CDKL5: variants seen among roughly 807,000 people sequenced by gnomAD.
CDKL5 encodes cyclin-dependent kinase-like 5.
CDKL5 carries 8 observed loss-of-function variants against 61.7 expected under a neutral mutation model. The ratio of observed to expected loss-of-function variants is 0.13; its 90% CI spans 0.08 to 0.23. CDKL5 has a LOEUF of 0.23. CDKL5 is among the 10% of genes least tolerant of loss of function. CDKL5 has a pLI of 1.00. For synonymous variants in CDKL5, 275 were observed against 272.3 expected, an observed-to-expected ratio of 1.01 and a Z score of -0.10; for missense variants, 440 against 734.5, an observed-to-expected ratio of 0.60 and a Z score of 4.63.
chrX:18,570,965 CT>C (rs1402849765), intron 4 of CDKL5, among the ~76,000 whole-genome samples: 1 of 111,434 alleles, frequency 9.0e-6, no homozygotes, highest in Admixed American at 9.6e-5. Context: ...CTGCACATAA[CT>C]TTGTCAGAGT....
At chrX:18,460,000 G>A (rs1387542887) in intron 1 of CDKL5, among the ~76,000 whole-genome samples, 1 of 110,449 alleles carries the variant, frequency 9.1e-6, no homozygotes, top group African/African-American at 3.3e-5. Context: ...AGCCTCCCGA[G>A]TAGCTGGGAT....
intron 3 of CDKL5, among the ~76,000 whole-genome samples, chrX:18,531,102 C>T (rs1923627588): frequency 8.9e-6 from 1 of 111,895 alleles, no homozygotes; most frequent in Non-Finnish European, 1.9e-5. Context: ...GAAGTGTTTC[C>T]AGCCACCCCT....
At chrX:18,476,557 A>G (rs1224645996) in intron 1 of CDKL5, among the ~76,000 whole-genome samples, 1 of 111,730 alleles carries the variant, frequency 9.0e-6, no homozygotes, top group Non-Finnish European at 1.9e-5. Flanking sequence ...ATTACCAATT[A>G]CTGACTATTG....
chrX:18,646,315 G>A (rs775696787), intron 20 of CDKL5, among the ~76,000 whole-genome samples: 4 of 111,117 alleles, frequency 3.6e-5, no homozygotes, highest in Admixed American at 9.6e-5. Context: ...CACCATGCCC[G>A]GCTAATTTTT....
In CDKL5 at chrX:18,559,706, A is replaced by G. The variant is rs755294165; in HGVS notation, c.100-4771A>G. Among the ~76,000 whole-genome samples the G allele has an allele frequency of 3.3e-3, 345 of 105,110 alleles. 1 individual carries two copies. Among genetic ancestry groups the G allele is most frequent in the Middle Eastern group, 9.4e-3 (2 of 213 alleles). 91.3% of individuals were successfully genotyped at this position (105,110 alleles called of 115,157 possible). ...GTGCAGGTTAGTTACATATGTATACATGTGCCATGCTGGTGTGCTGCGCCC... is the reference window on the plus strand; with the variant it reads ...GTGCAGGTTAGTTACATATGTATACGTGTGCCATGCTGGTGTGCTGCGCCC... On this transcript the variant is annotated intron_variant, in intron 3 of 17. Transcript: ENST00000623535.
At chrX:18,467,238 G>T (rs987270167) in intron 1 of CDKL5, among the ~76,000 whole-genome samples, 1 of 111,159 alleles carries the variant, frequency 9.0e-6, no homozygotes, top group African/African-American at 3.3e-5. Flanking sequence ...TATCTATAAG[G>T]AACATCTGAG....
chrX:18,604,235 C>T lies in CDKL5; in HGVS notation c.1311C>T (p.Asn437=). The T allele has an allele frequency of 4.1e-6, 5 of 1,211,575 alleles. No homozygotes were observed. The highest frequency in any genetic ancestry group is 5.6e-6 in the Non-Finnish European group (5 of 895,329). ...EGPGTKYLKS[N]SRSQQNRHSF... ...CAGGGACAAAGTACCTCAAGTCAAA[C>T]AGCAGATCTCAGCAGAACCGCCACT... Residue 437 remains asparagine (N), a synonymous_variant, in exon 12 of 18, where the codon AAC becomes AAT. Transcript: ENST00000623535.
At position 18,631,143 on chromosome X, in the gene CDKL5, C is replaced by G; in HGVS notation, c.*2386C>G. Reference sequence around the variant, plus strand: ...ACTGGGATCTCAGATGTTTGCAGAACATTTCTATTCATGACGGTTCTTCAA... The same window carrying G: ...ACTGGGATCTCAGATGTTTGCAGAAGATTTCTATTCATGACGGTTCTTCAA... On this transcript the variant is annotated 3_prime_UTR_variant, in exon 18 of 18. Transcript: ENST00000623535. The G allele has an allele frequency of 1.3e-6, 1 of 752,938 alleles. No homozygotes were observed. Among genetic ancestry groups the G allele is most frequent in the East Asian group, 1.5e-4 (1 of 6,620 alleles). The allele number at this position is 752,938 out of a possible 1,213,427, so 62.1% of individuals were successfully genotyped here.
chrX:18,581,316 GA>G (rs1314705513), intron 6 of CDKL5, among the ~76,000 whole-genome samples: 8 of 111,518 alleles, frequency 7.2e-5, no homozygotes, highest in Non-Finnish European at 1.3e-4. Context: ...AACATCCATG[GA>G]AAAAATTAGA....
intron 3 of CDKL5, among the ~76,000 whole-genome samples, chrX:18,540,798 C>T (rs910504441): frequency 2.7e-5 from 3 of 109,576 alleles, no homozygotes; most frequent in African/African-American, 1.0e-4. Context: ...AGCGATTCTC[C>T]TGCCTCAGCC....
At chrX:18,647,105 C>T (rs954721180) in intron 20 of CDKL5, 30 of 1,051,882 alleles carry the variant, frequency 2.9e-5, no homozygotes, top group East Asian at 9.1e-5. Flanking sequence ...TTAGTAGAGA[C>T]GGGGTTTCAC....
intron 20 of CDKL5, chrX:18,647,611 G>A: frequency 2.9e-6 from 1 of 340,496 alleles, no homozygotes; most frequent in Non-Finnish European, 5.2e-6. Context: ...AGGGGTGTGT[G>A]GAATTTTGAG....
chrX:18,588,487 T>C (rs756917829), intron 9 of CDKL5: 1 of 167,763 alleles, frequency 6.0e-6, no homozygotes, highest in East Asian at 1.8e-4. Context: ...TGTATGAATG[T>C]TGAACAAACA....
At position 18,633,697 on chromosome X, in the gene CDKL5, CTTT is replaced by C; in HGVS notation, c.*4949_*4951del. 1.7e-6 allele frequency: 1 copy of C among 594,921 alleles called. No individual in the cohort carries two copies. Among genetic ancestry groups the C allele is most frequent in the Non-Finnish European group, 2.0e-6 (1 of 497,350 alleles). The allele number at this position is 594,921 out of a possible 1,213,427, so 49.0% of individuals were successfully genotyped here. On this transcript the variant is annotated 3_prime_UTR_variant, in exon 18 of 18. Coordinates refer to ENST00000623535, the MANE Select transcript of CDKL5 (RefSeq NM_001323289.2). ...TCTGGGCCTGCTGCCCCCTTCGATTCTTTTTTTTTTTCTTTGTGAATTGAATGT... is the reference window on the plus strand; with the variant it reads ...TCTGGGCCTGCTGCCCCCTTCGATTCTTTTTTTTCTTTGTGAATTGAATGT...
chrX:18,519,090 C>T (rs544446062), intron 3 of CDKL5, among the ~76,000 whole-genome samples: 2 of 111,368 alleles, frequency 1.8e-5, no homozygotes, highest in African/African-American at 6.5e-5. Flanking sequence ...ATCCAGGAAG[C>T]CCAAGTCATT....
intron 3 of CDKL5, among the ~76,000 whole-genome samples, chrX:18,529,653 T>G (rs1923572067): frequency 9.0e-6 from 1 of 111,193 alleles, no homozygotes; most frequent in South Asian, 3.8e-4. Context: ...TTTTTTTCTT[T>G]CAACATTTTA....
chrX:18,491,769 G>C (rs1228843049), intron 1 of CDKL5, among the ~76,000 whole-genome samples: 3 of 111,484 alleles, frequency 2.7e-5, no homozygotes, highest in African/African-American at 9.8e-5. Flanking sequence ...ATTTTAATTT[G>C]TTGGATAATA....
chrX:18,628,808 G>A lies in CDKL5; in HGVS notation c.*51G>A. ...GACAGACAAGCCAGTGGGGAGGGGT[G>A]GGAAAGGGTGGGCTGGGCTTGGGGC... On this transcript the variant is annotated 3_prime_UTR_variant, in exon 18 of 18. Transcript: ENST00000623535. 9.5e-7 allele frequency: 1 copy of A among 1,047,404 alleles called. No homozygotes were observed. The highest frequency in any genetic ancestry group is 1.9e-5 in the African/African-American group (1 of 52,598). The allele number at this position is 1,047,404 out of a possible 1,213,427, so 86.3% of individuals were successfully genotyped here.
At chrX:18,479,234 T>C (rs1379437644) in intron 1 of CDKL5, among the ~76,000 whole-genome samples, 1 of 110,303 alleles carries the variant, frequency 9.1e-6, no homozygotes, top group African/African-American at 3.3e-5. Context: ...TTGTGTTTAT[T>C]GTATTTGGAG....
Sources: gnomAD v4.1 joint callset for allele counts (sites outside exome capture counted in the v4.1 genomes callset) on GRCh38, gnomAD v4.1.1 for gene constraint, MANE v1.5 for transcripts, NCBI Gene and HGNC (gene_info 2026-07-23, HGNC 2026-07-21) for gene names.